The following PCDHA8 variants were observed in gnomAD, a reference collection of about 807,000 sequenced individuals.
PCDHA8 encodes protocadherin alpha-8.
A neutral mutation model predicts 61.8 loss-of-function variants in PCDHA8; 53 were observed. The observed-to-expected ratio is 0.86, with a 90% CI of 0.69 to 1.08. The LOEUF (loss-of-function observed/expected upper bound fraction) is 1.08, where lower values mean the gene tolerates loss of function less well. PCDHA8 is among the 50% of genes least tolerant of loss of function. The pLI, the probability that PCDHA8 is intolerant of heterozygous loss-of-function variation, is 0.00. For synonymous variants in PCDHA8, 618 were observed against 556.6 expected (o/e 1.11, Z -1.55); for missense variants, 1,293 against 1,245.0 (o/e 1.04, Z -0.58).
rs371212960 is a variant in PCDHA8 at position 140,891,914 on chromosome 5, C to T, written c.2394+48199C>T. ...GCAGCAAGAAGATCTTCACCAGATG[C>T]TGGTGCCTTGATCTTGGACTTCCCC... On this transcript the variant is annotated intron_variant, in intron 1 of 3. Transcript: ENST00000531613. Among the ~76,000 whole-genome samples the T allele has an allele frequency of 2.6e-3, 395 of 152,328 alleles. 2 individuals carry two copies. The highest frequency in any genetic ancestry group is 9.2e-3 in the African/African-American group (384 of 41,572).
intron 1 of PCDHA8, among the ~76,000 whole-genome samples, chr5:140,845,552 T>C (rs2150379809): frequency 0.45 from 67,291 of 148,608 alleles, 18,811 homozygotes; most frequent in South Asian, 0.64. Context: ...ATGGTGATGC[T>C]TTTAGCTATT....
intron 1 of PCDHA8, among the ~76,000 whole-genome samples, chr5:140,944,938 A>G (rs2153667882): frequency 6.6e-6 from 1 of 152,262 alleles, no homozygotes; most frequent in African/African-American, 2.4e-5. Context: ...CCTTCTTTAG[A>G]TGATTGTGAA....
At chr5:140,955,401 A>T (rs1202478496) in intron 1 of PCDHA8, among the ~76,000 whole-genome samples, 2 of 152,122 alleles carry the variant, frequency 1.3e-5, no homozygotes, top group African/African-American at 4.8e-5. Flanking sequence ...TATCCCATAC[A>T]GTTCTCATGA....
At chr5:140,975,876 A>G (rs573852863) in intron 1 of PCDHA8, among the ~76,000 whole-genome samples, 1 of 152,230 alleles carries the variant, frequency 6.6e-6, no homozygotes, top group South Asian at 2.1e-4. Context: ...TACCTAATTG[A>G]TTTTTTCCAC....
At chr5:140,877,928 TTC>T in intron 1 of PCDHA8, 1 of 1,415,260 alleles carries the variant, frequency 7.1e-7, no homozygotes, top group Non-Finnish European at 9.3e-7. Context: ...TTCTTTATGA[TTC>T]TATCCTTTAA....
intron 1 of PCDHA8, among the ~76,000 whole-genome samples, chr5:140,879,621 T>G (rs1050176793): frequency 5.9e-5 from 9 of 152,076 alleles, no homozygotes; most frequent in African/African-American, 2.2e-4. Context: ...GGTACTTAGG[T>G]GGGTAAGTGT....
At chr5:140,978,873 A>G in intron 1 of PCDHA8, 76 bp from the exon 2 acceptor site, 2 of 1,608,618 alleles carry the variant, frequency 1.2e-6, no homozygotes, top group Non-Finnish European at 1.7e-6. Flanking sequence ...TAAGGGAGTA[A>G]CTAATCAATT....
chr5:140,950,708 T>A (rs1554219597), intron 1 of PCDHA8, among the ~76,000 whole-genome samples: 1 of 152,068 alleles, frequency 6.6e-6, no homozygotes, highest in East Asian at 1.9e-4. Context: ...AAATTTTTGT[T>A]CCTTATATCC....
At chr5:140,863,351 C>T in intron 1 of PCDHA8, 1 of 1,288,680 alleles carries the variant, frequency 7.8e-7, no homozygotes, top group Non-Finnish European at 1.1e-6. Context: ...CTGTACACGA[C>T]GCTGCGGTGC....
At chr5:140,910,837 A>G (rs1217601068) in intron 1 of PCDHA8, among the ~76,000 whole-genome samples, 1 of 152,188 alleles carries the variant, frequency 6.6e-6, no homozygotes, top group Non-Finnish European at 1.5e-5. Context: ...GCCTGATCCA[A>G]TGCCTTGGAT....
At chr5:140,993,226 T>G (rs1554253487) in intron 3 of PCDHA8, among the ~76,000 whole-genome samples, 1 of 152,204 alleles carries the variant, frequency 6.6e-6, no homozygotes, top group Non-Finnish European at 1.5e-5. Context: ...TTTGGTATGT[T>G]CTCTCTGAAT....
intron 1 of PCDHA8, among the ~76,000 whole-genome samples, chr5:140,921,791 A>G (rs1170709759): frequency 3.9e-5 from 6 of 152,160 alleles, no homozygotes; most frequent in Non-Finnish European, 5.9e-5. Context: ...GATGTTCTAG[A>G]TAACACAAGA....
intron 1 of PCDHA8, among the ~76,000 whole-genome samples, chr5:140,957,475 A>G (rs2095362490): frequency 6.6e-6 from 1 of 152,192 alleles, no homozygotes; most frequent in Non-Finnish European, 1.5e-5. Flanking sequence ...ATGTATAGGA[A>G]AAAACATAGT....
At chr5:140,871,151 C>A in intron 1 of PCDHA8, 1 of 1,613,328 alleles carries the variant, frequency 6.2e-7, no homozygotes, top group Non-Finnish European at 8.5e-7. Flanking sequence ...CGGACTTTGG[C>A]GGGCGCCGCG....
At chr5:140,924,028 G>A (rs908427261) in intron 1 of PCDHA8, among the ~76,000 whole-genome samples, 2 of 152,158 alleles carry the variant, frequency 1.3e-5, no homozygotes, top group South Asian at 4.1e-4. Context: ...TGGAGGCATG[G>A]CTGCAGACCT....
chr5:140,938,908 C>A (rs1213664574), intron 1 of PCDHA8, among the ~76,000 whole-genome samples: 1 of 152,074 alleles, frequency 6.6e-6, no homozygotes, highest in Non-Finnish European at 1.5e-5. Flanking sequence ...CACACACACA[C>A]ACGCACAAGA....
In PCDHA8 at chr5:140,886,468, T is replaced by C. The variant is rs138596929; in HGVS notation, c.2394+42753T>C. The stretch of plus-strand genomic sequence containing the variant: ...TAATTTTGTCATATATAAATGTTTT[T>C]AAAATGTATGAATTAAAATATATCT... On this transcript the variant is annotated intron_variant, in intron 1 of 3. Coordinates refer to ENST00000531613, the MANE Select transcript of PCDHA8 (RefSeq NM_018911.3). Among the ~76,000 whole-genome samples, 1,063 of 152,318 alleles carry C rather than the reference T, an allele frequency of 7.0e-3. 10 individuals carry two copies. Among genetic ancestry groups the C allele is most frequent in the Non-Finnish European group, 0.012 (787 of 68,024 alleles).
At chr5:140,965,113 G>C (rs1343720863) in intron 1 of PCDHA8, among the ~76,000 whole-genome samples, 1 of 152,218 alleles carries the variant, frequency 6.6e-6, no homozygotes, top group Non-Finnish European at 1.5e-5. Context: ...ATGACCCATA[G>C]AGGAAGATCT....
chr5:140,881,463 T>C, intron 1 of PCDHA8: 1 of 599,796 alleles, frequency 1.7e-6, no homozygotes, highest in Non-Finnish European at 2.1e-6. Flanking sequence ...CCTTAGAGCA[T>C]TGTTGTGGCT....
Sources: allele counts gnomAD v4.1 joint callset (sites outside exome capture counted in the v4.1 genomes callset), GRCh38; gene constraint gnomAD v4.1.1; transcripts MANE v1.5; gene names NCBI Gene and HGNC (gene_info 2026-07-23, HGNC 2026-07-21).